The following HAND1 variants were observed in gnomAD, a reference collection of about 807,000 sequenced individuals.
HAND1 encodes heart- and neural crest derivatives-expressed protein 1.
In HAND1, 10 loss-of-function variants were observed where a neutral mutation model predicts 14.5. That is an observed-to-expected ratio of 0.69 (90% CI 0.42 to 1.17). The LOEUF is 1.17. Among genes scored for constraint, HAND1 ranks in the 50% most tolerant of loss-of-function variants. The probability of loss-of-function intolerance (pLI) is 0.00; values close to 1 mark genes in which losing one functional copy is unlikely to be tolerated. For synonymous variants in HAND1, 128 were observed against 127.1 expected, an observed-to-expected ratio of 1.01 and a Z score of -0.05; for missense variants, 299 against 298.4, an observed-to-expected ratio of 1.00 and a Z score of -0.01.
At position 154,475,391 on chromosome 5, in the gene HAND1, G is replaced by A. The variant is rs966982058; in HGVS notation, c.*415C>T. 6 of 176,196 alleles carry A rather than the reference G, an allele frequency of 3.4e-5. No homozygotes were observed. Among genetic ancestry groups the A allele is most frequent in the African/African-American group, 1.4e-4 (6 of 42,054 alleles). 10.9% of individuals were successfully genotyped at this position (176,196 alleles called of 1,614,324 possible). A position where few individuals can be genotyped will look rare whatever the true frequency, so the allele number is the denominator to read the frequency against. The stretch of plus-strand genomic sequence containing the variant: ...TTATTGCATTTTAATTAGAGAAGAC[G>A]GCGTCGGGGCGGATCATATGGAGGG... On this transcript the variant is annotated 3_prime_UTR_variant, in exon 2 of 2. Transcript: ENST00000231121.
chr5:154,475,607 T>TA lies in HAND1; in HGVS notation c.*198dup, dbSNP rs1204125612. ...TATATTTCTCTTTCTCTTAATGTATTAAAAAAAATCAAAGGACATTGCACG... is the reference window on the plus strand; with the variant it reads ...TATATTTCTCTTTCTCTTAATGTATTAAAAAAAAATCAAAGGACATTGCACG... On this transcript the variant is annotated 3_prime_UTR_variant, in exon 2 of 2. Transcript: ENST00000231121. 45 of 602,382 alleles carry TA rather than the reference T, an allele frequency of 7.5e-5. No homozygotes were observed. Among genetic ancestry groups the TA allele is most frequent in the East Asian group, 3.6e-4 (13 of 35,910 alleles). The allele number at this position is 602,382 out of a possible 1,614,324, so 37.3% of individuals were successfully genotyped here. A position where few individuals can be genotyped will look rare whatever the true frequency, so the allele number is the denominator to read the frequency against.
In HAND1 at chr5:154,478,061, G is replaced by GC; in HGVS notation, c.-54dup. The GC allele has an allele frequency of 6.3e-7, 1 of 1,591,928 alleles. No homozygotes were observed. Among genetic ancestry groups the GC allele is most frequent in the Non-Finnish European group, 8.5e-7 (1 of 1,176,346 alleles). On this transcript the variant is annotated 5_prime_UTR_variant, in exon 1 of 2. Coordinates refer to ENST00000231121, the MANE Select transcript of HAND1 (RefSeq NM_004821.3). This position sits in a 1 kb window ranked among gnomAD's most constrained non-coding sequence, Gnocchi z 4.5. ...CAGCCCTATTAACGCCGCTCCATGC[G>GC]CCCCAGAGACTGCCGGGGGCCACCT...
rs775093878 is a variant in HAND1 at position 154,477,652 on chromosome 5, C to G, written c.357G>C (p.Glu119Asp). The change falls in exon 1 of 2, where the codon GAG becomes GAC. Residue 119 changes from glutamate to aspartate, a missense_variant. Transcript: ENST00000231121. ...TGTCGGCCGGCACGTTGGGGATGCA[C>G]TCGCGCAACTCCGCGAATGCGCTGT... is the stretch of plus-strand genomic sequence containing the variant. Reference protein sequence around the residue: ...SINSAFAELRECIPNVPADTK... With the variant: ...SINSAFAELRDCIPNVPADTK... 1.9e-5 allele frequency: 31 copies of G among 1,614,128 alleles called. No individual in the cohort carries two copies. In the Admixed American group the frequency reaches 5.2e-4, roughly 27 times the overall value.
At position 154,478,027 on chromosome 5, in the gene HAND1, CT is replaced by C; in HGVS notation, c.-20del. ...GGTTCATGTTGGAGCGGCTACTGGC[CT>C]GCGCCGCCAGCCCTATTAACGCCGC... On this transcript the variant is annotated 5_prime_UTR_variant, in exon 1 of 2. Transcript: ENST00000231121. This position sits in a 1 kb window ranked among gnomAD's most constrained non-coding sequence, Gnocchi z 4.5. 1 of 1,596,802 alleles carries C rather than the reference CT, an allele frequency of 6.3e-7. No homozygotes were observed. Among genetic ancestry groups the C allele is most frequent in the South Asian group, 1.1e-5 (1 of 91,020 alleles).
At chr5:154,476,426 C>G (rs1004594780) in intron 1 of HAND1, among the ~76,000 whole-genome samples, 6 of 152,176 alleles carry the variant, frequency 3.9e-5, no homozygotes, top group Non-Finnish European at 8.8e-5. Context: ...GCTCTTTCAG[C>G]AGGAACCAAG....
In HAND1 at chr5:154,477,791, C is replaced by T. The variant is rs1217088770; in HGVS notation, c.218G>A (p.Gly73Asp). The change falls in exon 1 of 2, where the codon GGT (glycine) becomes GAT (aspartate). Residue 73 changes from glycine (G) to aspartate (D), a missense_variant. Physicochemically the swap from Gly to Asp is moderately conservative, Grantham distance 94. Coordinates refer to ENST00000231121, the MANE Select transcript of HAND1 (RefSeq NM_004821.3). ...PAAAAAATAY[G>D]PDARPGQSPG... ...GCTCTGCCCAGGCCTGGCGTCAGGA[C>T]CATAGGCGGTGGCGGCTGCAGCGGC... The T allele has an allele frequency of 1.9e-6, 3 of 1,593,426 alleles. No individual in the cohort carries two copies. Among genetic ancestry groups the T allele is most frequent in the Middle Eastern group, 1.7e-4 (1 of 5,850 alleles).
Position 154,477,447 on chromosome 5 carries a change from T to C in HAND1, c.543+19A>G. The stretch of plus-strand genomic sequence containing the variant: ...CGCTCCTGCACCCTTGGCTGGAGCA[T>C]GCAAGCCCCAGGACTCACCAGCTCC... On this transcript the variant is annotated intron_variant, in intron 1 of 1. Coordinates refer to ENST00000231121, the MANE Select transcript of HAND1 (RefSeq NM_004821.3). 6.9e-6 allele frequency: 11 copies of C among 1,600,830 alleles called. No individual in the cohort carries two copies. Among genetic ancestry groups the C allele is most frequent in the Non-Finnish European group, 9.4e-6 (11 of 1,168,150 alleles).
Position 154,478,185 on chromosome 5 carries a change from G to A in HAND1, c.-177C>T, listed in dbSNP as rs1432408330. 2 of 698,464 alleles carry A rather than the reference G, an allele frequency of 2.9e-6. No homozygotes were observed. The highest frequency in any genetic ancestry group is 4.8e-6 in the Non-Finnish European group (2 of 418,584). 43.3% of individuals were successfully genotyped at this position (698,464 alleles called of 1,614,324 possible). On this transcript the variant is annotated 5_prime_UTR_variant, in exon 1 of 2. Coordinates refer to ENST00000231121, the MANE Select transcript of HAND1 (RefSeq NM_004821.3). This position sits in a 1 kb window ranked among gnomAD's most constrained non-coding sequence, Gnocchi z 4.5. Reference sequence around the variant, plus strand: ...CACTGTCTTCTTACCGGTTTCTGCCGCGGGCGAGGTCGCCGAAGCCCAAAG... The same window carrying A: ...CACTGTCTTCTTACCGGTTTCTGCCACGGGCGAGGTCGCCGAAGCCCAAAG...
chr5:154,476,386 G>C (rs1184994939), intron 1 of HAND1, among the ~76,000 whole-genome samples: 1 of 152,146 alleles, frequency 6.6e-6, no homozygotes, highest in Non-Finnish European at 1.5e-5. Flanking sequence ...AAAGAGCGGG[G>C]AGTCGAGCTG....
In HAND1 at chr5:154,475,697, C is replaced by A. The variant is rs186778831; in HGVS notation, c.*109G>T. 365 of 816,628 alleles carry A rather than the reference C, an allele frequency of 4.5e-4. 1 individual carries two copies. In the African/African-American group the frequency reaches 5.5e-3, roughly 12 times the overall value. 50.6% of individuals were successfully genotyped at this position (816,628 alleles called of 1,614,324 possible). On this transcript the variant is annotated 3_prime_UTR_variant, in exon 2 of 2. Transcript: ENST00000231121. ...CGCTCAGCAGAAGCTCCGCGGGATG[C>A]GTAGCACCAGTCGCCGGAGCCCAGA...
Position 154,478,077 on chromosome 5 carries a change from G to C in HAND1, c.-69C>G. 1 of 1,574,006 alleles carries C rather than the reference G, an allele frequency of 6.4e-7. No homozygotes were observed. The highest frequency in any genetic ancestry group is 8.6e-7 in the Non-Finnish European group (1 of 1,161,072). ...GCTCCATGCGCCCCAGAGACTGCCG[G>C]GGGCCACCTGTGGGCTCTGGAGCCA... On this transcript the variant is annotated 5_prime_UTR_variant, in exon 1 of 2. Transcript: ENST00000231121. This position sits in a 1 kb window ranked among gnomAD's most constrained non-coding sequence, Gnocchi z 4.5.
rs769262740 is a variant in HAND1 at position 154,477,821 on chromosome 5, G to A, written c.188C>T (p.Pro63Leu). ...GGCGGTGGCGGCTGCAGCGGCCGCGGGCGGCGGCCCGCCCGCAGGGAAGTC... is the reference window on the plus strand; with the variant it reads ...GGCGGTGGCGGCTGCAGCGGCCGCGAGCGGCGGCCCGCCCGCAGGGAAGTC... ...APDFPAGGPP[P>L]AAAAAATAYG... The change falls in exon 1 of 2, where the codon CCC (proline) becomes CTC (leucine). Residue 63 changes from proline (P) to leucine (L), a missense_variant. By Grantham distance (98) the Pro-to-Leu change is moderately conservative (BLOSUM62 -3). Transcript: ENST00000231121. 5.6e-6 allele frequency: 9 copies of A among 1,593,362 alleles called. No individual in the cohort carries two copies. The highest frequency in any genetic ancestry group is 1.7e-5 in the Admixed American group (1 of 58,974).
rs776751181 is a variant in HAND1 at position 154,477,883 on chromosome 5, G to C, written c.126C>G (p.Phe42Leu). ...ASRCHQERPYFQSWLLSPADA... is the reference protein window; with the variant it reads ...ASRCHQERPYLQSWLLSPADA... ...CAGCCGGGCTCAGCAGCCAGCTCTG[G>C]AAGTAGGGCCTTTCCTGATGACAGC... The change falls in exon 1 of 2, where the codon TTC (phenylalanine) becomes TTG (leucine). Residue 42 changes from phenylalanine to leucine, a missense_variant. Coordinates refer to ENST00000231121, the MANE Select transcript of HAND1 (RefSeq NM_004821.3). 6.2e-7 allele frequency: 1 copy of C among 1,600,986 alleles called. No homozygotes were observed. Among genetic ancestry groups the C allele is most frequent in the Non-Finnish European group, 8.5e-7 (1 of 1,179,838 alleles).
chr5:154,475,947 GAC>G lies in HAND1; in HGVS notation c.544-39_544-38del, dbSNP rs773003206. 2.8e-5 allele frequency: 43 copies of G among 1,547,062 alleles called. 1 individual carries two copies. In the South Asian group the frequency reaches 4.1e-4, roughly 15 times the overall value. On this transcript the variant is annotated intron_variant, in intron 1 of 1. Transcript: ENST00000231121. ...CACACAGAAGAAAAGAGGCGGGAGA[GAC>G]AGGTTTTAATTTTTCTGCTCCGATC...
chr5:154,475,577 A>C lies in HAND1; in HGVS notation c.*229T>G. ...GCCCTCGGTTGGGCTGGGGGTGGAT[A>C]TATATATATTTCTCTTTCTCTTAAT... On this transcript the variant is annotated 3_prime_UTR_variant, in exon 2 of 2. Transcript: ENST00000231121. 7.3e-6 allele frequency: 4 copies of C among 544,676 alleles called. No individual in the cohort carries two copies. Among genetic ancestry groups the C allele is most frequent in the Non-Finnish European group, 9.9e-6 (3 of 302,192 alleles). The allele number at this position is 544,676 out of a possible 1,614,324, so 33.7% of individuals were successfully genotyped here.
rs1193135744 is a variant in HAND1, at chr5:154,475,526, C to CT, written c.*279dup. 2.1e-6 allele frequency: 1 copy of CT among 479,834 alleles called. No individual in the cohort carries two copies. Among genetic ancestry groups the CT allele is most frequent in the African/African-American group, 2.0e-5 (1 of 51,194 alleles). The allele number at this position is 479,834 out of a possible 1,614,324, so 29.7% of individuals were successfully genotyped here. A position where few individuals can be genotyped will look rare whatever the true frequency, so the allele number is the denominator to read the frequency against. On this transcript the variant is annotated 3_prime_UTR_variant, in exon 2 of 2. Coordinates refer to ENST00000231121, the MANE Select transcript of HAND1 (RefSeq NM_004821.3). Reference sequence around the variant, plus strand: ...GAGCCCTTGGGTTCGACAGTCCCTCCTTCTTGCATGTTGCCGCCAAGGGCC... The same window carrying CT: ...GAGCCCTTGGGTTCGACAGTCCCTCCTTTCTTGCATGTTGCCGCCAAGGGCC...
At chr5:154,475,990 A>C in intron 1 of HAND1, 80 bp from the exon 2 acceptor site, 1 of 1,042,766 alleles carries the variant, frequency 9.6e-7, no homozygotes, top group Non-Finnish European at 1.5e-6. Context: ...GCATGGGGTA[A>C]GATGAGGAGG....
At chr5:154,476,138 G>A (rs1290466627) in intron 1 of HAND1, among the ~76,000 whole-genome samples, 1 of 152,148 alleles carries the variant, frequency 6.6e-6, no homozygotes, top group Non-Finnish European at 1.5e-5. Flanking sequence ...GGCAGCTTCG[G>A]GAGGTTTGGT....
chr5:154,478,206 C>G lies in HAND1; in HGVS notation c.-198G>C. 1 of 638,120 alleles carries G rather than the reference C, an allele frequency of 1.6e-6. No individual in the cohort carries two copies. The highest frequency in any genetic ancestry group is 2.7e-6 in the Non-Finnish European group (1 of 365,166). 39.5% of individuals were successfully genotyped at this position (638,120 alleles called of 1,614,324 possible). A position where few individuals can be genotyped will look rare whatever the true frequency, so the allele number is the denominator to read the frequency against. On this transcript the variant is annotated 5_prime_UTR_variant, in exon 1 of 2. Coordinates refer to ENST00000231121, the MANE Select transcript of HAND1 (RefSeq NM_004821.3). This position sits in a 1 kb window ranked among gnomAD's most constrained non-coding sequence, Gnocchi z 4.5. ...TGCCGCGGGCGAGGTCGCCGAAGCC[C>G]AAAGACCTGTTTAACCCTTCTGCGG...
Sources: allele counts gnomAD v4.1 joint callset (sites outside exome capture counted in the v4.1 genomes callset), GRCh38; gene constraint gnomAD v4.1.1; non-coding constraint Gnocchi (gnomAD v3.1); transcripts MANE v1.5; gene names NCBI Gene and HGNC (gene_info 2026-07-23, HGNC 2026-07-21).